Variants in CSMD1 observed in about 807,000 individuals in gnomAD.
CSMD1 encodes the protein CUB and sushi domain-containing protein 1.
In CSMD1, 213 loss-of-function variants were observed where a neutral mutation model predicts 417.5. The ratio of observed to expected loss-of-function variants is 0.51; its 90% CI spans 0.46 to 0.57. The LOEUF (loss-of-function observed/expected upper bound fraction) is 0.57, where lower values mean the gene tolerates loss of function less well. Among genes scored for constraint, CSMD1 ranks in the 20% least tolerant of loss-of-function variants. The pLI, the probability that CSMD1 is intolerant of heterozygous loss-of-function variation, is 0.00. For missense variants in CSMD1, 6,923 were observed against 4,529.7 expected, an observed-to-expected ratio of 1.53 and a Z score of -15.17; for synonymous variants, 2,862 against 1,736.8, an observed-to-expected ratio of 1.65 and a Z score of -16.11.
chr8:3,739,327 T>A (rs1321355289), intron 6 of CSMD1, among the ~76,000 whole-genome samples: 1 of 152,234 alleles, frequency 6.6e-6, no homozygotes, highest in African/African-American at 2.4e-5. Flanking sequence ...GAATCTGTTC[T>A]AGTGTTCTAT....
At chr8:4,326,293 G>C (rs909303431) in intron 3 of CSMD1, among the ~76,000 whole-genome samples, 1 of 152,058 alleles carries the variant, frequency 6.6e-6, no homozygotes, top group Non-Finnish European at 1.5e-5. Flanking sequence ...CTCAGACATA[G>C]CAAGGACAGC....
At chr8:4,012,437 T>C (rs1343826765) in intron 4 of CSMD1, among the ~76,000 whole-genome samples, 5 of 152,144 alleles carry the variant, frequency 3.3e-5, no homozygotes, top group African/African-American at 1.2e-4. Context: ...ATTCTTAACT[T>C]TTATTTTTGT....
chr8:3,048,664 T>G (rs928073228), intron 50 of CSMD1, among the ~76,000 whole-genome samples: 1 of 152,064 alleles, frequency 6.6e-6, no homozygotes, highest in African/African-American at 2.4e-5. Context: ...TGTGGTGCCC[T>G]TGGGTTTGGT....
intron 69 of CSMD1, among the ~76,000 whole-genome samples, chr8:2,940,481 C>A (rs1346486402): frequency 6.6e-6 from 1 of 152,142 alleles, no homozygotes; most frequent in Non-Finnish European, 1.5e-5. Context: ...CCAGAGGAGG[C>A]ATCACATTTA....
At chr8:4,146,358 C>T (rs1446121859) in intron 3 of CSMD1, among the ~76,000 whole-genome samples, 3 of 150,660 alleles carry the variant, frequency 2.0e-5, no homozygotes, top group Non-Finnish European at 4.4e-5. Context: ...TAAGCTTCAG[C>T]CCAACATCGA....
chr8:4,616,026 C>A (rs998569548), intron 2 of CSMD1, among the ~76,000 whole-genome samples: 2 of 152,070 alleles, frequency 1.3e-5, no homozygotes, highest in African/African-American at 4.8e-5. Flanking sequence ...AAGCAATTTT[C>A]GGATGAAATA....
chr8:3,650,626 G>A (rs775544381), intron 7 of CSMD1, among the ~76,000 whole-genome samples: 1 of 152,128 alleles, frequency 6.6e-6, no homozygotes, highest in African/African-American at 2.4e-5. Flanking sequence ...TGAGCTCCCG[G>A]CTGTGGATAT....
At position 4,395,884 on chromosome 8, in the gene CSMD1, T is replaced by C. The variant is rs116413645; in HGVS notation, c.415+24069A>G. Among the ~76,000 whole-genome samples the C allele has an allele frequency of 2.7e-3, 409 of 152,366 alleles. 3 individuals are homozygous for C. The highest frequency in any genetic ancestry group is 9.4e-3 in the African/African-American group (393 of 41,588). On this transcript the variant is annotated intron_variant, in intron 3 of 69. Coordinates refer to ENST00000635120, the MANE Select transcript of CSMD1 (RefSeq NM_033225.6). ...TTACAGTCTTTAATTCGGTAGTGTA[T>C]CTAGAAACACATATAAGTGTAATTG...
intron 54 of CSMD1, among the ~76,000 whole-genome samples, chr8:2,980,751 G>C (rs1805337621): frequency 6.6e-6 from 1 of 152,140 alleles, no homozygotes; most frequent in African/African-American, 2.4e-5. Flanking sequence ...AGGTGCGCAG[G>C]AGACAATAAA....
At chr8:4,506,621 G>C (rs141521419) in intron 2 of CSMD1, among the ~76,000 whole-genome samples, 248 of 152,254 alleles carry the variant, frequency 1.6e-3, no homozygotes, top group African/African-American at 5.4e-3. Context: ...TTTCACATGA[G>C]CAACAAACAA....
intron 1 of CSMD1, among the ~76,000 whole-genome samples, chr8:4,761,925 A>ATCTG (rs1187727279): frequency 2.7e-5 from 4 of 147,530 alleles, no homozygotes; most frequent in Non-Finnish European, 4.5e-5. Context: ...CTATCTATCT[A>ATCTG]TCTATCTATC....
chr8:3,958,645 A>C (rs1812127741), intron 5 of CSMD1, among the ~76,000 whole-genome samples: 1 of 152,184 alleles, frequency 6.6e-6, no homozygotes, highest in East Asian at 1.9e-4. Context: ...ATTGTAAAAT[A>C]CAAATTAGCC....
intron 3 of CSMD1, among the ~76,000 whole-genome samples, chr8:4,078,100 T>C (rs1799928780): frequency 6.6e-6 from 1 of 152,172 alleles, no homozygotes; most frequent in Non-Finnish European, 1.5e-5. Flanking sequence ...GAGAGAAATC[T>C]TCAAATAATT....
chr8:3,966,721 T>TCACACA (rs748552047), intron 5 of CSMD1, among the ~76,000 whole-genome samples: 2 of 134,186 alleles, frequency 1.5e-5, no homozygotes, highest in Non-Finnish European at 3.1e-5. Flanking sequence ...CTGCAGGCAT[T>TCACACA]CACACACACA....
At chr8:3,637,899 C>T (rs1197259754) in intron 7 of CSMD1, among the ~76,000 whole-genome samples, 2 of 152,142 alleles carry the variant, frequency 1.3e-5, no homozygotes, top group African/African-American at 4.8e-5. Flanking sequence ...GAGCAGTTCC[C>T]CTGCCCACAC....
intron 33 of CSMD1, 79 bp from the exon 34 acceptor site, chr8:3,190,194 T>C (rs2129050853): frequency 9.0e-7 from 1 of 1,109,134 alleles, no homozygotes; most frequent in Non-Finnish European, 1.3e-6. Context: ...GGGTTTAAGA[T>C]GGGACCAAGG....
At chr8:3,791,660 G>T (rs1183914615) in intron 5 of CSMD1, among the ~76,000 whole-genome samples, 1 of 152,034 alleles carries the variant, frequency 6.6e-6, no homozygotes, top group Non-Finnish European at 1.5e-5. Context: ...CCCATCTCTA[G>T]AAAAGCACAA....
intron 2 of CSMD1, among the ~76,000 whole-genome samples, chr8:4,443,489 C>A (rs79930084): frequency 2.0e-5 from 3 of 152,142 alleles, no homozygotes; most frequent in African/African-American, 7.2e-5. Context: ...TTATGTGTTT[C>A]TTTATATGCC....
intron 5 of CSMD1, among the ~76,000 whole-genome samples, chr8:3,937,606 C>G (rs1406481683): frequency 3.9e-5 from 6 of 152,078 alleles, no homozygotes; most frequent in Non-Finnish European, 8.8e-5. Context: ...ACTGGGGAAC[C>G]CACAATATCA....
Sources: gnomAD v4.1 joint callset for allele counts (sites outside exome capture counted in the v4.1 genomes callset) on GRCh38, gnomAD v4.1.1 for gene constraint, MANE v1.5 for transcripts, NCBI Gene and HGNC (gene_info 2026-07-23, HGNC 2026-07-21) for gene names.